RILPL1: variants seen among roughly 807,000 people sequenced by gnomAD.
RILPL1 encodes the protein Rab interacting lysosomal protein like 1, also known as RILP-like protein 1.
Under a neutral mutation model 50.3 loss-of-function variants are expected in RILPL1, and 33 were observed. The ratio of observed to expected loss-of-function variants is 0.66; its 90% confidence interval spans 0.50 to 0.88. The LOEUF (loss-of-function observed/expected upper bound fraction) is 0.88, where lower values mean the gene tolerates loss of function less well. RILPL1 is among the 40% of genes least tolerant of loss of function. The probability of loss-of-function intolerance (pLI) is 0.00; values close to 1 mark genes in which losing one functional copy is unlikely to be tolerated. For missense variants in RILPL1, 418 were observed against 542.5 expected (o/e 0.77, Z 2.28); for synonymous variants, 205 against 228.6 (o/e 0.90, Z 0.93).
intron 1 of RILPL1, among the ~76,000 whole-genome samples, chr12:123,530,999 G>A (rs551068326): frequency 8.9e-6 from 1 of 112,138 alleles, no homozygotes; most frequent in East Asian, 4.9e-4. Context: ...CAAGGAAGAA[G>A]GGGTAGGGAA....
chr12:123,476,930 G>A (rs1013566937), intron 6 of RILPL1, among the ~76,000 whole-genome samples: 3 of 152,336 alleles, frequency 2.0e-5, no homozygotes, highest in East Asian at 1.9e-4. Flanking sequence ...GGGAGGTGGT[G>A]GTGATGCCCT....
intron 2 of RILPL1, among the ~76,000 whole-genome samples, chr12:123,506,281 G>C (rs73412276): frequency 1.4e-3 from 215 of 152,340 alleles, no homozygotes; most frequent in African/African-American, 5.0e-3. Context: ...AGGGCAATGC[G>C]GGCTGAGGCG....
intron 2 of RILPL1, among the ~76,000 whole-genome samples, chr12:123,502,888 ATTT>A (rs969514232): frequency 1.3e-5 from 2 of 149,780 alleles, no homozygotes; most frequent in Non-Finnish European, 3.0e-5. Context: ...TCTAAGGGAG[ATTT>A]TTTTTTTCTT....
intron 1 of RILPL1, among the ~76,000 whole-genome samples, chr12:123,529,750 T>C (rs1341851431): frequency 6.6e-6 from 1 of 151,916 alleles, no homozygotes; most frequent in African/African-American, 2.4e-5. Flanking sequence ...ACAGTGTGCC[T>C]GTAGTCTTAG....
rs139019123 is a variant in RILPL1 at position 123,498,833 on chromosome 12, C to T, written c.580-68G>A. ...GTAGCTCAGGTTGTACACTGCACAA[C>T]GGCAAACCATCCATAGGTGTGCCAT... On this transcript the variant is annotated intron_variant, in intron 3 of 6. Transcript: ENST00000376874. The surrounding 1 kb of genome is among the most constrained non-coding windows in gnomAD (Gnocchi z 4.3). 5.8e-5 allele frequency: 83 copies of T among 1,437,904 alleles called. 1 individual carries two copies. The highest frequency in any genetic ancestry group is 2.6e-4 in the African/African-American group (19 of 71,700). 89.1% of individuals were successfully genotyped at this position (1,437,904 alleles called of 1,614,324 possible).
chr12:123,517,507 C>T (rs1317663447), intron 2 of RILPL1, among the ~76,000 whole-genome samples: 4 of 151,452 alleles, frequency 2.6e-5, no homozygotes, highest in African/African-American at 9.7e-5. Flanking sequence ...CTGCTACCTC[C>T]GCTTTCCGGG....
chr12:123,472,245 T>C lies in RILPL1; in HGVS notation c.*293A>G, dbSNP rs1463043264. On this transcript the variant is annotated 3_prime_UTR_variant, in exon 7 of 7. Transcript: ENST00000376874. Reference sequence around the variant, plus strand: ...TTTGGCTTAAAGAAGCTTGTGTTACTGAAGTTAACGCAGAAGTCTGGCCTC... The same window carrying C: ...TTTGGCTTAAAGAAGCTTGTGTTACCGAAGTTAACGCAGAAGTCTGGCCTC... The C allele has an allele frequency of 2.9e-6, 1 of 339,798 alleles. No individual in the cohort carries two copies. The highest frequency in any genetic ancestry group is 2.0e-5 in the African/African-American group (1 of 48,810). The allele number at this position is 339,798 out of a possible 1,614,324, so 21.0% of individuals were successfully genotyped here. A position where few individuals can be genotyped will look rare whatever the true frequency, so the allele number is the denominator to read the frequency against.
intron 2 of RILPL1, among the ~76,000 whole-genome samples, chr12:123,505,651 G>C (rs181784810): frequency 2.4e-4 from 36 of 151,198 alleles, no homozygotes; most frequent in Non-Finnish European, 4.4e-4. Flanking sequence ...TTTTGACCCA[G>C]GGTCTCTGTC....
intron 2 of RILPL1, chr12:123,513,387 C>G: frequency 2.6e-6 from 1 of 384,532 alleles, no homozygotes; most frequent in Non-Finnish European, 5.4e-6. Flanking sequence ...GCTGCCTTGG[C>G]TCCCCGAGAG....
chr12:123,498,860 T>C lies in RILPL1; in HGVS notation c.580-95A>G. On this transcript the variant is annotated intron_variant, in intron 3 of 6. Transcript: ENST00000376874. The surrounding 1 kb of genome is among the most constrained non-coding windows in gnomAD (Gnocchi z 4.3). ...GCAAACCATCCATAGGTGTGCCATT[T>C]ACATTGCAGACATCTTTGTTTGAAA... 9.0e-7 allele frequency: 1 copy of C among 1,111,754 alleles called. No homozygotes were observed. The highest frequency in any genetic ancestry group is 1.3e-6 in the Non-Finnish European group (1 of 744,180). 68.9% of individuals were successfully genotyped at this position (1,111,754 alleles called of 1,614,324 possible). A position where few individuals can be genotyped will look rare whatever the true frequency, so the allele number is the denominator to read the frequency against.
At chr12:123,493,428 G>C (rs1423934328) in intron 4 of RILPL1, among the ~76,000 whole-genome samples, 1 of 152,088 alleles carries the variant, frequency 6.6e-6, no homozygotes, top group Non-Finnish European at 1.5e-5. Context: ...AGAGGCTGGC[G>C]GGATCCTCCA....
At chr12:123,484,650 C>CTT (rs61080090) in intron 5 of RILPL1, among the ~76,000 whole-genome samples, 68 of 110,132 alleles carry the variant, frequency 6.2e-4, no homozygotes, top group Middle Eastern at 4.7e-3. Context: ...ACTCTCCCAT[C>CTT]TTTTTTTTTT....
chr12:123,501,297 T>C (rs1883364656), intron 2 of RILPL1, among the ~76,000 whole-genome samples: 1 of 150,958 alleles, frequency 6.6e-6, no homozygotes, highest in South Asian at 2.1e-4. Context: ...TTTTTTTAAC[T>C]AGCCAAGCGT....
intron 1 of RILPL1, among the ~76,000 whole-genome samples, chr12:123,525,014 C>T (rs1885200077): frequency 6.6e-6 from 1 of 152,114 alleles, no homozygotes; most frequent in Non-Finnish European, 1.5e-5. Context: ...CACCTGTAAT[C>T]CCAGCTACTC....
intron 2 of RILPL1, among the ~76,000 whole-genome samples, chr12:123,516,678 G>A (rs1278094259): frequency 2.0e-5 from 3 of 152,186 alleles, no homozygotes; most frequent in Non-Finnish European, 2.9e-5. Context: ...TGAAAATAGG[G>A]TATTTGCAGA....
chr12:123,508,144 A>G (rs758576163), intron 2 of RILPL1, among the ~76,000 whole-genome samples: 28 of 152,152 alleles, frequency 1.8e-4, no homozygotes, highest in Non-Finnish European at 3.8e-4. Flanking sequence ...CTGTAATCCC[A>G]GCACTTTGGG....
chr12:123,472,578 C>G lies in RILPL1; in HGVS notation c.1172G>C (p.Gly391Ala), dbSNP rs1289035966. ...GGCTTCCTGTCCTTGCTCTGTGTAA[C>G]CGTCATCGCGGTGGGTGTTTGCCCA... ...GQWANTHRDD[G>A]YTEQGQEALQ... The change falls in exon 7 of 7, where the codon GGT (glycine) becomes GCT (alanine). Residue 391 changes from glycine to alanine, a missense_variant. Transcript: ENST00000376874. 1 of 1,555,334 alleles carries G rather than the reference C, an allele frequency of 6.4e-7. No individual in the cohort carries two copies. The highest frequency in any genetic ancestry group is 8.7e-7 in the Non-Finnish European group (1 of 1,148,934).
At chr12:123,475,209 A>G (rs1881508240) in intron 6 of RILPL1, 1 of 181,678 alleles carries the variant, frequency 5.5e-6, no homozygotes, top group Non-Finnish European at 1.2e-5. Flanking sequence ...GAATCAAAAC[A>G]CTGGTCCCCT....
chr12:123,509,837 G>A (rs982816358), intron 2 of RILPL1, among the ~76,000 whole-genome samples: 3 of 152,202 alleles, frequency 2.0e-5, no homozygotes, highest in African/African-American at 7.2e-5. Flanking sequence ...GCAATTCTGC[G>A]ACATGTTTTC....
Sources: gnomAD v4.1 joint callset for allele counts (sites outside exome capture counted in the v4.1 genomes callset) on GRCh38, gnomAD v4.1.1 for gene constraint, Gnocchi (gnomAD v3.1) non-coding constraint, MANE v1.5 for transcripts, NCBI Gene and HGNC (gene_info 2026-07-23, HGNC 2026-07-21) for gene names.